Variants in IQCM observed in about 807,000 individuals in gnomAD.
IQCM encodes the protein IQ motif containing M.
In IQCM, 45 loss-of-function variants were observed where a neutral mutation model predicts 57.6. The ratio of observed to expected loss-of-function variants is 0.78; its 90% confidence interval spans 0.62 to 1.00. The LOEUF (loss-of-function observed/expected upper bound fraction) is 1.00, where lower values mean the gene tolerates loss of function less well. IQCM is among the 50% of genes least tolerant of loss of function. The pLI is 0.00. For missense variants in IQCM, 468 were observed against 511.6 expected (o/e 0.91, Z 0.82); for synonymous variants, 148 against 158.9 (o/e 0.93, Z 0.51).
intron 12 of IQCM, among the ~76,000 whole-genome samples, chr4:149,435,092 A>G (rs1735225857): frequency 6.6e-6 from 1 of 152,092 alleles, no homozygotes; most frequent in Non-Finnish European, 1.5e-5. Flanking sequence ...AGGGGTCCCT[A>G]TATCTGCTCT....
intron 7 of IQCM, among the ~76,000 whole-genome samples, chr4:149,655,841 C>T (rs112467533): frequency 4.6e-5 from 7 of 152,224 alleles, no homozygotes; most frequent in African/African-American, 1.7e-4. Context: ...CCACAAAATG[C>T]TCACTTTATA....
At chr4:149,761,151 A>T (rs1399158001) in intron 2 of IQCM, among the ~76,000 whole-genome samples, 1 of 152,158 alleles carries the variant, frequency 6.6e-6, no homozygotes, top group South Asian at 2.1e-4. Flanking sequence ...TTTAGAGCCA[A>T]ATAAATGATA....
intron 12 of IQCM, among the ~76,000 whole-genome samples, chr4:149,545,998 G>T (rs1748374672): frequency 6.6e-6 from 1 of 152,050 alleles, no homozygotes; most frequent in Non-Finnish European, 1.5e-5. Flanking sequence ...GCCCCAGTGT[G>T]TGATGTTCCC....
chr4:149,603,847 C>T (rs1433023198), intron 8 of IQCM, among the ~76,000 whole-genome samples: 1 of 151,806 alleles, frequency 6.6e-6, no homozygotes, highest in Non-Finnish European at 1.5e-5. Context: ...ACCCTTTTTC[C>T]TCTTCTTAAT....
intron 7 of IQCM, among the ~76,000 whole-genome samples, chr4:149,624,727 G>C (rs1312757809): frequency 6.6e-6 from 1 of 152,120 alleles, no homozygotes; most frequent in African/African-American, 2.4e-5. Flanking sequence ...ATCAGCAAAA[G>C]ACCCAAAGGC....
chr4:149,508,729 G>C (rs1393133554), intron 12 of IQCM, among the ~76,000 whole-genome samples: 2 of 152,144 alleles, frequency 1.3e-5, no homozygotes, highest in Non-Finnish European at 1.5e-5. Context: ...TAAGACTTTG[G>C]GGGATTGTTG....
chr4:149,633,753 C>A (rs1028662941), intron 7 of IQCM, among the ~76,000 whole-genome samples: 4 of 152,126 alleles, frequency 2.6e-5, no homozygotes, highest in African/African-American at 9.7e-5. Context: ...CCTGAAATAA[C>A]TTTGAAAACA....
At chr4:149,722,067 GT>G (rs1765496173) in intron 5 of IQCM, among the ~76,000 whole-genome samples, 1 of 152,012 alleles carries the variant, frequency 6.6e-6, no homozygotes, top group African/African-American at 2.4e-5. Flanking sequence ...TTCTTCATAT[GT>G]TTTTTGACCA....
chr4:149,775,939 A>G (rs942372536), intron 2 of IQCM, among the ~76,000 whole-genome samples: 3 of 152,174 alleles, frequency 2.0e-5, no homozygotes, highest in African/African-American at 7.2e-5. Context: ...TGACATGTAT[A>G]AGAAAGATAA....
chr4:149,375,239 C>T (rs1272778738), intron 13 of IQCM, among the ~76,000 whole-genome samples: 4 of 152,076 alleles, frequency 2.6e-5, no homozygotes, highest in Admixed American at 1.3e-4. Context: ...AACCAACAGG[C>T]ATTTGTTTCT....
chr4:149,613,761 T>A (rs1263715459), intron 8 of IQCM, among the ~76,000 whole-genome samples: 1 of 152,076 alleles, frequency 6.6e-6, no homozygotes, highest in Non-Finnish European at 1.5e-5. Context: ...GATGTTTCCC[T>A]TCCCGTGTCC....
chr4:149,549,379 G>T (rs541193280), intron 11 of IQCM, among the ~76,000 whole-genome samples: 2 of 151,422 alleles, frequency 1.3e-5, no homozygotes, highest in Non-Finnish European at 3.0e-5. Flanking sequence ...TTAGCCGGGC[G>T]TAGTGGCGGG....
rs544213690 is a variant in IQCM at position 149,802,761 on chromosome 4, G to C, written c.-49+12550C>G. On this transcript the variant is annotated intron_variant, in intron 2 of 13. Coordinates refer to ENST00000636793, the MANE Select transcript of IQCM (RefSeq NM_001363507.2). The stretch of plus-strand genomic sequence containing the variant: ...AACATTTTCAAGGTTATATAGTAAA[G>C]AGACTTTTAAAAATTCTTTATGTAG... Among the ~76,000 whole-genome samples the C allele has an allele frequency of 3.3e-5, 5 of 152,056 alleles. No individual in the cohort carries two copies. The South Asian group carries it at 8.3e-4, about 25-fold the overall frequency.
At chr4:149,570,895 A>G (rs1479345874) in intron 9 of IQCM, among the ~76,000 whole-genome samples, 1 of 152,086 alleles carries the variant, frequency 6.6e-6, no homozygotes, top group African/African-American at 2.4e-5. Flanking sequence ...TATATGAAAA[A>G]ATGCTCAACA....
intron 12 of IQCM, among the ~76,000 whole-genome samples, chr4:149,459,717 T>C (rs955599557): frequency 1.3e-5 from 2 of 152,188 alleles, no homozygotes; most frequent in Non-Finnish European, 2.9e-5. Flanking sequence ...TTATTTCACA[T>C]AGCATAATGT....
chr4:149,645,230 G>T (rs1488977662), intron 7 of IQCM, among the ~76,000 whole-genome samples: 1 of 152,110 alleles, frequency 6.6e-6, no homozygotes, highest in Non-Finnish European at 1.5e-5. Context: ...TTGCAAGCCA[G>T]AGTAGCTATG....
chr4:149,792,963 G>C (rs757535326), intron 2 of IQCM, among the ~76,000 whole-genome samples: 22 of 152,308 alleles, frequency 1.4e-4, no homozygotes, highest in Non-Finnish European at 3.1e-4. Flanking sequence ...TTCACATGCA[G>C]TAGCCTATCC....
intron 8 of IQCM, among the ~76,000 whole-genome samples, chr4:149,609,381 C>T (rs1160841764): frequency 6.6e-6 from 1 of 151,760 alleles, no homozygotes; most frequent in Non-Finnish European, 1.5e-5. Context: ...TACTTCCAAA[C>T]TCATTCTACA....
rs116786355 is a variant in IQCM, at chr4:149,406,466, A to G, written c.1390+26930T>C. Among the ~76,000 whole-genome samples the G allele has an allele frequency of 9.9e-3, 1,513 of 152,228 alleles. 10 individuals are homozygous for G. The highest frequency in any genetic ancestry group is 0.016 in the Admixed American group (237 of 15,274). ...CATCACATATGAAGGTCCTGTGGCAAGAGGGAGCATGGGAAAAGCAAGAGA... is the reference window on the plus strand; with the variant it reads ...CATCACATATGAAGGTCCTGTGGCAGGAGGGAGCATGGGAAAAGCAAGAGA... On this transcript the variant is annotated intron_variant, in intron 13 of 13. Transcript: ENST00000636793.
Sources: allele counts gnomAD v4.1 joint callset (sites outside exome capture counted in the v4.1 genomes callset), GRCh38; gene constraint gnomAD v4.1.1; transcripts MANE v1.5; gene names NCBI Gene and HGNC (gene_info 2026-07-23, HGNC 2026-07-21).